METTL4: variants seen among roughly 807,000 people sequenced by gnomAD.
METTL4 encodes the protein methyltransferase 4, N6-adenosine.
A neutral mutation model predicts 54.0 loss-of-function variants in METTL4; 40 were observed. The ratio of observed to expected loss-of-function variants is 0.74; its 90% CI spans 0.58 to 0.96. The LOEUF (loss-of-function observed/expected upper bound fraction) is 0.96. METTL4 is among the 50% of genes least tolerant of loss of function. METTL4 has a pLI of 0.00. For missense variants in METTL4, 525 were observed against 549.0 expected, an observed-to-expected ratio of 0.96 and a Z score of 0.44; for synonymous variants, 169 against 183.8, an observed-to-expected ratio of 0.92 and a Z score of 0.65.
At chr18:2,549,789 C>T (rs1304031618) in intron 5 of METTL4, among the ~76,000 whole-genome samples, 1 of 139,688 alleles carries the variant, frequency 7.2e-6, no homozygotes, top group African/African-American at 2.7e-5. Context: ...TGAGACTAGC[C>T]TGGCCAACAT....
intron 5 of METTL4, among the ~76,000 whole-genome samples, chr18:2,549,631 G>A (rs887788212): frequency 1.3e-5 from 2 of 152,014 alleles, no homozygotes; most frequent in African/African-American, 4.8e-5. Flanking sequence ...AACAAACATT[G>A]GAATCCAGCT....
chr18:2,556,706 G>T (rs2143546906), intron 3 of METTL4, among the ~76,000 whole-genome samples: 1 of 152,122 alleles, frequency 6.6e-6, no homozygotes, highest in African/African-American at 2.4e-5. Context: ...AAAAAAATGA[G>T]CATATTAAGA....
chr18:2,542,732 G>A (rs2347280), intron 8 of METTL4, among the ~76,000 whole-genome samples: 149,113 of 152,220 alleles, frequency 0.98, 73,103 homozygotes, highest in East Asian at 1. Context: ...ATGACAGTCC[G>A]AAGCATAAGG....
intron 8 of METTL4, among the ~76,000 whole-genome samples, 161 bp downstream of exon 8, chr18:2,544,034 T>C (rs773136431): frequency 6.6e-6 from 1 of 152,226 alleles, no homozygotes; most frequent in African/African-American, 2.4e-5. Flanking sequence ...TTCATAGAGA[T>C]AGGCAAATTC....
chr18:2,568,842 A>ATC (rs2072461394), intron 1 of METTL4: 5 of 217,406 alleles, frequency 2.3e-5, no homozygotes, highest in African/African-American at 1.2e-4. Flanking sequence ...ATGGACAGGG[A>ATC]TGATAATTGG....
Position 2,563,918 on chromosome 18 carries a change from C to T in METTL4, c.397-59G>A, listed in dbSNP as rs2072362002. The T allele has an allele frequency of 2.8e-6, 3 of 1,065,072 alleles. No homozygotes were observed. In the Admixed American group the frequency reaches 5.9e-5, roughly 21 times the overall value. The allele number at this position is 1,065,072 out of a possible 1,614,324, so 66.0% of individuals were successfully genotyped here. ...TGTTGCCATTAATATTTTGCTTTTT[C>T]ATTATAACATTATTTATGTCTTATA... is the stretch of plus-strand genomic sequence containing the variant. On this transcript the variant is annotated intron_variant, in intron 2 of 8. Coordinates refer to ENST00000574538, the MANE Select transcript of METTL4 (RefSeq NM_022840.5).
rs2072359708 is a variant in METTL4, at chr18:2,563,806, G to A, written c.450C>T (p.Tyr150=). ...AACATTTTACACTTACCTTTGTATG[G>A]TATTCCATAGCATCCAATTCACCTT... ...FNQGELDAME[Y]HTKIRELILD... Residue 150 remains tyrosine, a synonymous_variant, in exon 3 of 9, where the codon TAC becomes TAT. Transcript: ENST00000574538. 1.2e-6 allele frequency: 2 copies of A among 1,606,090 alleles called. No individual in the cohort carries two copies. Among genetic ancestry groups the A allele is most frequent in the Admixed American group, 1.7e-5 (1 of 59,370 alleles).
chr18:2,566,747 T>C, intron 2 of METTL4, 74 bp downstream of exon 2: 1 of 1,200,302 alleles, frequency 8.3e-7, no homozygotes, highest in Non-Finnish European at 1.1e-6. Flanking sequence ...AATCACCAGA[T>C]ATTTAAGACA....
Position 2,546,131 on chromosome 18 carries a change from T to C in METTL4, c.1074+1224A>G, listed in dbSNP as rs185446837. The stretch of plus-strand genomic sequence containing the variant: ...CCAAAGTACAGCATGAAAACAAAGA[T>C]ACAACTGTAAGTCTTTGTCAAGTCC... On this transcript the variant is annotated intron_variant, in intron 6 of 8. Coordinates refer to ENST00000574538, the MANE Select transcript of METTL4 (RefSeq NM_022840.5). Among the ~76,000 whole-genome samples, 536 of 152,182 alleles carry C rather than the reference T, an allele frequency of 3.5e-3. 4 individuals carry two copies. Among genetic ancestry groups the C allele is most frequent in the African/African-American group, 0.013 (521 of 41,542 alleles).
chr18:2,548,309 A>T (rs1270390233), intron 5 of METTL4, among the ~76,000 whole-genome samples: 4 of 152,058 alleles, frequency 2.6e-5, no homozygotes, highest in Non-Finnish European at 5.9e-5. Flanking sequence ...GTGGAAGGGG[A>T]GAAGTCATTA....
chr18:2,571,026 C>CT (rs2072496081), intron 1 of METTL4, 123 bp downstream of exon 1: 1 of 152,340 alleles, frequency 6.6e-6, no homozygotes, highest in African/African-American at 2.4e-5. Context: ...CACAGGTCAG[C>CT]CACCACCAGA....
chr18:2,539,113 C>T lies in METTL4; in HGVS notation c.1306G>A (p.Glu436Lys). 1 of 1,613,924 alleles carries T rather than the reference C, an allele frequency of 6.2e-7. No individual in the cohort carries two copies. The highest frequency in any genetic ancestry group is 8.5e-7 in the Non-Finnish European group (1 of 1,179,874). The change falls in exon 9 of 9, where the codon GAA becomes AAA. Residue 436 changes from glutamate to lysine, a missense_variant. By Grantham distance (56) the Glu-to-Lys change is moderately conservative (BLOSUM62 1). Transcript: ENST00000574538. ...VLKDYIKPDG[E>K]YLELFARNLQ... ...TTTCGAGCAAACAACTCCAAATATT[C>T]CCCATCTGGCTTGATGTAGTCTTTT...
At chr18:2,553,463 G>A (rs2072192350) in intron 4 of METTL4, 2 of 152,202 alleles carry the variant, frequency 1.3e-5, no homozygotes, top group Admixed American at 6.5e-5. Flanking sequence ...GATAAAGGAT[G>A]TTAAAGAGTC....
At chr18:2,560,348 A>G (rs540225707) in intron 3 of METTL4, among the ~76,000 whole-genome samples, 2 of 152,336 alleles carry the variant, frequency 1.3e-5, no homozygotes, top group South Asian at 4.1e-4. Context: ...TGGGGGTTCT[A>G]TCAAACTTTA....
chr18:2,547,501 G>C lies in METTL4; in HGVS notation c.928C>G (p.Gln310Glu), dbSNP rs2677879. The C allele has an allele frequency of 6.3e-7, 1 of 1,596,798 alleles. No individual in the cohort carries two copies. Among genetic ancestry groups the C allele is most frequent in the East Asian group, 2.2e-5 (1 of 44,654 alleles). Residue 310 changes from glutamine to glutamate, a missense_variant, in exon 6 of 9, where the codon CAG becomes GAG. Transcript: ENST00000574538. ...GCCAATTTAGGGATAGGTATTTGCT[G>C]TATTTGCAGGGGTGACAAATAACTG... ...RYSYLSPLQI[Q>E]QIPIPKLAAP... is the part of the protein sequence containing the mutation.
chr18:2,539,551 G>T lies in METTL4; in HGVS notation c.1274-406C>A, dbSNP rs533067518. 4.4e-4 allele frequency among the ~76,000 whole-genome samples: 65 copies of T among 149,408 alleles called. No homozygotes were observed. The South Asian group carries it at 7.4e-3, about 17-fold the overall frequency. ...GGCTGGAGTGCAATGGTGCAATCTC[G>T]GCTCACTGCAACCTCCACCTCCCGA... is the stretch of plus-strand genomic sequence containing the variant. On this transcript the variant is annotated intron_variant, in intron 8 of 8. Coordinates refer to ENST00000574538, the MANE Select transcript of METTL4 (RefSeq NM_022840.5).
intron 3 of METTL4, among the ~76,000 whole-genome samples, chr18:2,559,008 T>C (rs2072277484): frequency 1.3e-5 from 2 of 152,218 alleles, no homozygotes; most frequent in Non-Finnish European, 2.9e-5. Flanking sequence ...CCTTGGGTAT[T>C]GCTGGTAGGA....
At position 2,540,358 on chromosome 18, in the gene METTL4, C is replaced by T. The variant is rs148779476; in HGVS notation, c.1274-1213G>A. The T allele has an allele frequency of 2.7e-4, 262 of 979,738 alleles. 2 individuals carry two copies. In the East Asian group the frequency reaches 0.022, roughly 80 times the overall value. 60.7% of individuals were successfully genotyped at this position (979,738 alleles called of 1,614,324 possible). On this transcript the variant is annotated intron_variant, in intron 8 of 8. Coordinates refer to ENST00000574538, the MANE Select transcript of METTL4 (RefSeq NM_022840.5). ...GGTTCATAATTGCTATGTAAGATTG[C>T]GCTTGGAAGAAATCTATCAAATTTA...
At chr18:2,557,711 T>C (rs1004962013) in intron 3 of METTL4, among the ~76,000 whole-genome samples, 3 of 152,202 alleles carry the variant, frequency 2.0e-5, no homozygotes, top group African/African-American at 7.2e-5. Flanking sequence ...ACTATGTTGA[T>C]TGCCACTGTC....
Sources: gnomAD v4.1 joint callset for allele counts (sites outside exome capture counted in the v4.1 genomes callset) on GRCh38, gnomAD v4.1.1 for gene constraint, MANE v1.5 for transcripts, NCBI Gene and HGNC (gene_info 2026-07-23, HGNC 2026-07-21) for gene names.